ACER2: variants seen among roughly 807,000 people sequenced by gnomAD.
ACER2 encodes alkaline ceramidase 2, also known as alkCDase 2.
In ACER2, 26 loss-of-function variants were observed where a neutral mutation model predicts 34.7. That is an observed-to-expected ratio of 0.75 (90% CI 0.55 to 1.04). ACER2 has a LOEUF of 1.04. Ranked by LOEUF, ACER2 falls within the 50% of genes least tolerant of loss-of-function variation. The probability of loss-of-function intolerance (pLI) is 0.00; values close to 1 mark genes in which losing one functional copy is unlikely to be tolerated. For synonymous variants in ACER2, 138 were observed against 132.1 expected, an observed-to-expected ratio of 1.04 and a Z score of -0.31; for missense variants, 352 against 340.8, an observed-to-expected ratio of 1.03 and a Z score of -0.26.
At chr9:19,415,489 C>T (rs1489448475) in intron 1 of ACER2, among the ~76,000 whole-genome samples, 1 of 150,166 alleles carries the variant, frequency 6.7e-6, no homozygotes, top group Non-Finnish European at 1.5e-5. Context: ...AGTGAGACTC[C>T]ATCTCAATAA....
intron 4 of ACER2, among the ~76,000 whole-genome samples, chr9:19,443,124 G>A (rs1589065558): frequency 6.6e-6 from 1 of 152,324 alleles, no homozygotes; most frequent in African/African-American, 2.4e-5. Flanking sequence ...TCCGCCTCCC[G>A]GGTTCGCGCC....
In ACER2 at chr9:19,434,975, C is replaced by T. The variant is rs201075302; in HGVS notation, c.394C>T (p.Leu132=). 1.2e-6 allele frequency: 2 copies of T among 1,614,036 alleles called. No homozygotes were observed. The highest frequency in any genetic ancestry group is 2.2e-5 in the East Asian group (1 of 44,886). The change falls in exon 4 of 6, where the codon CTG becomes TTG. Residue 132 remains leucine (L), a synonymous_variant. Coordinates refer to ENST00000340967, the MANE Select transcript of ACER2 (RefSeq NM_001010887.3). The stretch of plus-strand genomic sequence containing the variant: ...TAGGTTCAAGGTGGTGGTCAGTGTC[C>T]TGTCTGCGGTTACGACGTGCCTGGC... The part of the protein sequence containing the change: ...RGRFKVVVSV[L]SAVTTCLAFV...
At chr9:19,433,436 A>G (rs944956200) in intron 3 of ACER2, among the ~76,000 whole-genome samples, 11 of 152,028 alleles carry the variant, frequency 7.2e-5, no homozygotes, top group African/African-American at 2.7e-4. Context: ...CTCTGAGTGG[A>G]CACAGCACAT....
At chr9:19,424,077 A>G in intron 2 of ACER2, 101 bp downstream of exon 2, 1 of 1,109,542 alleles carries the variant, frequency 9.0e-7, no homozygotes, top group South Asian at 1.3e-5. Context: ...AATGTTTTGT[A>G]AACTGAAGTC....
intron 4 of ACER2, among the ~76,000 whole-genome samples, chr9:19,444,923 G>T (rs1182847435): frequency 6.6e-6 from 1 of 152,190 alleles, no homozygotes; most frequent in Admixed American, 6.5e-5. Context: ...TTTTGAACAG[G>T]TCTTTCTGAA....
intron 1 of ACER2, among the ~76,000 whole-genome samples, chr9:19,411,918 A>C (rs1209812521): frequency 6.6e-6 from 1 of 152,096 alleles, no homozygotes; most frequent in African/African-American, 2.4e-5. Context: ...AATGGGTGCT[A>C]TTTATTATAT....
At chr9:19,437,150 C>G (rs1831003623) in intron 4 of ACER2, among the ~76,000 whole-genome samples, 1 of 152,222 alleles carries the variant, frequency 6.6e-6, no homozygotes, top group Admixed American at 6.5e-5. Context: ...ATCCTCGTCT[C>G]TTTCCTGAAG....
At chr9:19,440,710 G>A (rs193272465) in intron 4 of ACER2, among the ~76,000 whole-genome samples, 5 of 152,132 alleles carry the variant, frequency 3.3e-5, no homozygotes, top group African/African-American at 4.8e-5. Context: ...CCCTTTTTAC[G>A]TCCCCCTGAA....
chr9:19,421,121 G>C (rs1830391728), intron 1 of ACER2, among the ~76,000 whole-genome samples: 1 of 152,186 alleles, frequency 6.6e-6, no homozygotes, highest in African/African-American at 2.4e-5. Context: ...TAACACAACA[G>C]TAAATATTTG....
intron 4 of ACER2, among the ~76,000 whole-genome samples, chr9:19,439,913 G>A (rs1462333006): frequency 2.7e-5 from 4 of 150,742 alleles, no homozygotes; most frequent in Middle Eastern, 6.8e-3. Context: ...GTTGTGGTGC[G>A]TGGAGATGTG....
In ACER2 at chr9:19,409,215, A is replaced by G. The variant is rs1479931652; in HGVS notation, c.108+23A>G. ...ACGGTGCGGGGCGCGGGAGCGGGGA[A>G]GGCAGGCGGGCCAGCGGGAGGGGGC... is the stretch of plus-strand genomic sequence containing the variant. On this transcript the variant is annotated intron_variant, in intron 1 of 5. Transcript: ENST00000340967. 3 of 1,561,692 alleles carry G rather than the reference A, an allele frequency of 1.9e-6. No individual in the cohort carries two copies. The Admixed American group carries it at 5.8e-5, about 30-fold the overall frequency.
Position 19,446,263 on chromosome 9 carries a change from C to G in ACER2, c.504-18C>G. On this transcript the variant is annotated intron_variant, in intron 4 of 5. Coordinates refer to ENST00000340967, the MANE Select transcript of ACER2 (RefSeq NM_001010887.3). The stretch of plus-strand genomic sequence containing the variant: ...AGACAAGGTCTGACGATGAGTGACT[C>G]TCTGGACCCCCGTGCAGGTGTGACA... 1 of 1,614,068 alleles carries G rather than the reference C, an allele frequency of 6.2e-7. No homozygotes were observed. Among genetic ancestry groups the G allele is most frequent in the Non-Finnish European group, 8.5e-7 (1 of 1,180,022 alleles).
chr9:19,431,063 G>T (rs527770362), intron 3 of ACER2, among the ~76,000 whole-genome samples: 1 of 152,008 alleles, frequency 6.6e-6, no homozygotes, highest in Non-Finnish European at 1.5e-5. Flanking sequence ...GCAGTACTCT[G>T]TGGAGCCTTT....
rs187056356 is a variant in ACER2 at position 19,442,317 on chromosome 9, T to G, written c.504-3964T>G. Among the ~76,000 whole-genome samples, 30 of 152,368 alleles carry G rather than the reference T, an allele frequency of 2.0e-4. No homozygotes were observed. In the East Asian group the frequency reaches 4.8e-3, roughly 24 times the overall value. ...GTAGAATAAGGTCCTGCTGTACATG[T>G]GATTTTTGTCCGCCCTTTTTCACTT... is the stretch of plus-strand genomic sequence containing the variant. On this transcript the variant is annotated intron_variant, in intron 4 of 5. Transcript: ENST00000340967.
Position 19,446,338 on chromosome 9 carries a change from G to C in ACER2, c.561G>C (p.Leu187=), listed in dbSNP as rs752736703. 22 of 1,614,046 alleles carry C rather than the reference G, an allele frequency of 1.4e-5. No homozygotes were observed. Among genetic ancestry groups the C allele is most frequent in the Non-Finnish European group, 1.7e-6 (2 of 1,180,048 alleles). Residue 187 remains leucine (L), a synonymous_variant, in exon 5 of 6, where the codon CTG becomes CTC. Transcript: ENST00000340967. Reference sequence around the variant, plus strand: ...TCTTCTCGGGCCTCTGGTGGACCCTGGCCCTGTTCTGCTGGATCAGTGACC... The same window carrying C: ...TCTTCTCGGGCCTCTGGTGGACCCTCGCCCTGTTCTGCTGGATCAGTGACC... ...LGLFSGLWWT[L]ALFCWISDRA...
intron 3 of ACER2, among the ~76,000 whole-genome samples, chr9:19,430,282 A>G (rs1171543082): frequency 6.6e-6 from 1 of 152,180 alleles, no homozygotes; most frequent in East Asian, 1.9e-4. Flanking sequence ...AAATATTTTG[A>G]TGATGGTACT....
At chr9:19,433,881 C>T (rs1295597720) in intron 3 of ACER2, among the ~76,000 whole-genome samples, 1 of 151,902 alleles carries the variant, frequency 6.6e-6, no homozygotes, top group Admixed American at 6.6e-5. Context: ...CCCCTCACCT[C>T]CCGGACGGGG....
At chr9:19,434,342 A>T (rs1433929541) in intron 3 of ACER2, among the ~76,000 whole-genome samples, 2 of 151,880 alleles carry the variant, frequency 1.3e-5, no homozygotes, top group South Asian at 4.2e-4. Context: ...CCGGCCAGGC[A>T]GAGACGCTCC....
Position 19,439,051 on chromosome 9 carries a change from A to T in ACER2, c.503+3967A>T, listed in dbSNP as rs141108055. Among the ~76,000 whole-genome samples the T allele has an allele frequency of 1.2e-3, 186 of 152,340 alleles. 1 individual carries two copies. The highest frequency in any genetic ancestry group is 4.3e-3 in the African/African-American group (179 of 41,586). On this transcript the variant is annotated intron_variant, in intron 4 of 5. Coordinates refer to ENST00000340967, the MANE Select transcript of ACER2 (RefSeq NM_001010887.3). ...CAGTTTAAATAAATTCTACTTCACAATTGTGATCTTTACATAAGGAAATAT... is the reference window on the plus strand; with the variant it reads ...CAGTTTAAATAAATTCTACTTCACATTTGTGATCTTTACATAAGGAAATAT...
Sources: allele counts gnomAD v4.1 joint callset (sites outside exome capture counted in the v4.1 genomes callset), GRCh38; gene constraint gnomAD v4.1.1; transcripts MANE v1.5; gene names NCBI Gene and HGNC (gene_info 2026-07-23, HGNC 2026-07-21).